The following DOCK1 variants were observed in gnomAD, a reference collection of about 807,000 sequenced individuals.
The protein encoded by DOCK1 is dedicator of cytokinesis protein 1.
Under a neutral mutation model 262.7 loss-of-function variants are expected in DOCK1, and 138 were observed. The ratio of observed to expected loss-of-function variants is 0.53; its 90% CI spans 0.46 to 0.61. The LOEUF (loss-of-function observed/expected upper bound fraction) is 0.61. Among genes scored for constraint, DOCK1 ranks in the 20% least tolerant of loss-of-function variants. The pLI, the probability that DOCK1 is intolerant of heterozygous loss-of-function variation, is 0.00. For missense variants in DOCK1, 1,908 were observed against 2,370.7 expected (o/e 0.80, Z 4.05); for synonymous variants, 866 against 867.4 (o/e 1.00, Z 0.03).
chr10:127,366,727 G>T (rs2064937558), intron 33 of DOCK1, among the ~76,000 whole-genome samples: 1 of 152,186 alleles, frequency 6.6e-6, no homozygotes, highest in African/African-American at 2.4e-5. Context: ...GTGCAGGGTT[G>T]GCCCCACCTG....
intron 46 of DOCK1, among the ~76,000 whole-genome samples, chr10:127,424,900 CCCT>C (rs1356272479): frequency 6.6e-6 from 1 of 152,158 alleles, no homozygotes; most frequent in Non-Finnish European, 1.5e-5. Flanking sequence ...CGCTGCTACT[CCCT>C]CCTTTCCTGG....
intron 27 of DOCK1, among the ~76,000 whole-genome samples, chr10:127,178,967 ATTCT>A (rs1289344855): frequency 1.3e-5 from 2 of 152,208 alleles, no homozygotes; most frequent in Non-Finnish European, 1.5e-5. Flanking sequence ...TCTCCTATTC[ATTCT>A]TTAACTGCCT....
chr10:127,340,838 C>G (rs967797782), intron 30 of DOCK1, among the ~76,000 whole-genome samples: 1 of 152,122 alleles, frequency 6.6e-6, no homozygotes, highest in Non-Finnish European at 1.5e-5. Context: ...GCTGTGAATT[C>G]TCTGATCATT....
At chr10:126,912,828 C>G (rs1427247373) in intron 1 of DOCK1, among the ~76,000 whole-genome samples, 1 of 152,106 alleles carries the variant, frequency 6.6e-6, no homozygotes, top group African/African-American at 2.4e-5. Flanking sequence ...CTTTAAATTC[C>G]CTGCCTCCAA....
intron 29 of DOCK1, among the ~76,000 whole-genome samples, chr10:127,273,325 C>T (rs1488965402): frequency 6.6e-6 from 1 of 152,126 alleles, no homozygotes; most frequent in Non-Finnish European, 1.5e-5. Flanking sequence ...TTGCTGTGTG[C>T]CTTCCTTTAC....
At chr10:126,949,308 C>T (rs1436365367) in intron 1 of DOCK1, among the ~76,000 whole-genome samples, 1 of 152,106 alleles carries the variant, frequency 6.6e-6, no homozygotes, top group African/African-American at 2.4e-5. Context: ...TGTCTAGTGC[C>T]TCTGGGGATT....
At chr10:127,045,200 T>TTA (rs754154968) in intron 21 of DOCK1, among the ~76,000 whole-genome samples, 2 of 82,094 alleles carry the variant, frequency 2.4e-5, no homozygotes, top group South Asian at 1.2e-3. Context: ...TCTGTCTCAA[T>TTA]AAAAAAAAAA....
intron 47 of DOCK1, among the ~76,000 whole-genome samples, chr10:127,431,296 C>G (rs375830748): frequency 4.6e-5 from 7 of 152,208 alleles, no homozygotes; most frequent in Non-Finnish European, 2.9e-5. Context: ...TTTCTAGAGG[C>G]TCAATCAAGA....
intron 27 of DOCK1, among the ~76,000 whole-genome samples, chr10:127,193,932 T>G (rs760597203): frequency 2.6e-5 from 4 of 152,198 alleles, no homozygotes; most frequent in Admixed American, 1.3e-4. Flanking sequence ...TTTGCCTTGT[T>G]AGCCTATTTC....
intron 27 of DOCK1, among the ~76,000 whole-genome samples, chr10:127,238,121 A>G (rs1227838674): frequency 6.6e-6 from 1 of 152,222 alleles, no homozygotes; most frequent in Non-Finnish European, 1.5e-5. Context: ...TATGATGCCT[A>G]TGAAAATGAA....
At chr10:127,326,187 A>G (rs1373754301) in intron 29 of DOCK1, among the ~76,000 whole-genome samples, 2 of 152,156 alleles carry the variant, frequency 1.3e-5, no homozygotes, top group African/African-American at 4.8e-5. Context: ...ACAGTTTTTT[A>G]AAATAAGGCA....
chr10:127,026,438 C>T lies in DOCK1; in HGVS notation c.1624+14C>T, dbSNP rs752123501. On this transcript the variant is annotated intron_variant, in intron 16 of 51. Transcript: ENST00000623213. Reference sequence around the variant, plus strand: ...CATCACAGGACTGTGAGTAGTCAAGCACTTTCTTCCCCCAAGTATTTTTAA... The same window carrying T: ...CATCACAGGACTGTGAGTAGTCAAGTACTTTCTTCCCCCAAGTATTTTTAA... 1.9e-6 allele frequency: 3 copies of T among 1,567,858 alleles called. No homozygotes were observed.
At chr10:126,933,075 G>A (rs1325345814) in intron 1 of DOCK1, among the ~76,000 whole-genome samples, 2 of 152,006 alleles carry the variant, frequency 1.3e-5, no homozygotes, top group African/African-American at 2.4e-5. Context: ...AAGGCCCAGG[G>A]CCAGGGCCTT....
intron 32 of DOCK1, among the ~76,000 whole-genome samples, 186 bp from the exon 33 acceptor site, chr10:127,361,878 G>A (rs1171200870): frequency 6.6e-6 from 1 of 152,142 alleles, no homozygotes; most frequent in African/African-American, 2.4e-5. Context: ...TGGAATACAG[G>A]CCACTTCTTA....
intron 29 of DOCK1, among the ~76,000 whole-genome samples, chr10:127,281,360 G>A (rs2060957075): frequency 6.6e-6 from 1 of 152,198 alleles, no homozygotes; most frequent in South Asian, 2.1e-4. Context: ...AGTTTAGGAA[G>A]CAGAAGGACA....
At chr10:127,330,300 T>A (rs1434554029) in intron 29 of DOCK1, among the ~76,000 whole-genome samples, 1 of 152,082 alleles carries the variant, frequency 6.6e-6, no homozygotes, top group Admixed American at 6.6e-5. Flanking sequence ...TACTCAGCAC[T>A]GCTAGTGTAG....
intron 29 of DOCK1, among the ~76,000 whole-genome samples, chr10:127,276,641 T>C (rs1470442785): frequency 2.0e-5 from 3 of 152,150 alleles, no homozygotes; most frequent in Non-Finnish European, 2.9e-5. Flanking sequence ...CTGATCTTTT[T>C]TCCATTTTGT....
At chr10:127,257,926 T>A (rs1293195013) in intron 29 of DOCK1, 1 of 152,402 alleles carries the variant, frequency 6.6e-6, no homozygotes, top group African/African-American at 2.4e-5. Flanking sequence ...TTCTAGCACA[T>A]TGGGTTTTAT....
At chr10:127,083,908 T>C (rs2047052243) in intron 23 of DOCK1, among the ~76,000 whole-genome samples, 1 of 152,200 alleles carries the variant, frequency 6.6e-6, no homozygotes, top group Non-Finnish European at 1.5e-5. Context: ...GATCACATTA[T>C]TGTGCTGCTG....
Sources: gnomAD v4.1 joint callset for allele counts (sites outside exome capture counted in the v4.1 genomes callset) on GRCh38, gnomAD v4.1.1 for gene constraint, MANE v1.5 for transcripts, NCBI Gene and HGNC (gene_info 2026-07-23, HGNC 2026-07-21) for gene names.